RNASEH1: variants seen among roughly 807,000 people sequenced by gnomAD.
The protein encoded by RNASEH1 is ribonuclease H type II.
In RNASEH1, 27 loss-of-function variants were observed where a neutral mutation model predicts 34.6. The observed-to-expected ratio is 0.78, with a 90% confidence interval of 0.58 to 1.08. The LOEUF is 1.08. Ranked by LOEUF, RNASEH1 falls within the 50% of genes least tolerant of loss-of-function variation. RNASEH1 has a pLI of 0.00. For synonymous variants in RNASEH1, 162 were observed against 138.4 expected, an observed-to-expected ratio of 1.17 and a Z score of -1.20; for missense variants, 349 against 373.6, an observed-to-expected ratio of 0.93 and a Z score of 0.54.
At position 3,543,762 on chromosome 2, in the gene RNASEH1, T is replaced by C. The variant is rs544545925; in HGVS notation, c.*2023A>G. On this transcript the variant is annotated 3_prime_UTR_variant, in exon 8 of 8. Transcript: ENST00000315212. ...AATAGCTGGGACAACAGGCAGGCAC[T>C]ACCACACCCACCTGATTTTATTTTA... 3.9e-5 allele frequency among the ~76,000 whole-genome samples: 6 copies of C among 152,172 alleles called. No homozygotes were observed. In the South Asian group the frequency reaches 8.3e-4, roughly 21 times the overall value.
At chr2:3,557,731 T>C (rs1312835938) in intron 1 of RNASEH1, 2 of 597,966 alleles carry the variant, frequency 3.3e-6, no homozygotes, top group Non-Finnish European at 5.8e-6. Context: ...GAATTTGCCT[T>C]TTTTAAAAGG....
rs538535593 is a variant in RNASEH1, at chr2:3,557,773, T to A, written c.128+360A>T. 1.5e-3 allele frequency: 1,287 copies of A among 876,908 alleles called. 1 individual carries two copies. The highest frequency in any genetic ancestry group is 1.5e-3 in the Non-Finnish European group (867 of 593,896). 54.3% of individuals were successfully genotyped at this position (876,908 alleles called of 1,614,324 possible). A position where few individuals can be genotyped will look rare whatever the true frequency, so the allele number is the denominator to read the frequency against. On this transcript the variant is annotated intron_variant, in intron 1 of 7. Coordinates refer to ENST00000315212, the MANE Select transcript of RNASEH1 (RefSeq NM_002936.6). The stretch of plus-strand genomic sequence containing the variant: ...TAGGTACTGAGTTCCAATCCCAATT[T>A]AGCTGGTACGGAAAGTCTTCTGGTA...
At chr2:3,536,469 G>C (rs373296860), downstream of RNASEH1, among the ~76,000 whole-genome samples, 15 of 152,312 alleles carry the variant, frequency 9.8e-5, no homozygotes, top group South Asian at 2.9e-3. Context: ...TCCTGGGCTG[G>C]CTCCGTTTGA....
rs1363402019 is a variant in RNASEH1, at chr2:3,541,509, A to C, written c.*4276T>G. On this transcript the variant is annotated 3_prime_UTR_variant, in exon 8 of 8. Coordinates refer to ENST00000315212, the MANE Select transcript of RNASEH1 (RefSeq NM_002936.6). Reference sequence around the variant, plus strand: ...TCGAAATATCGGTCAACAGGTAAATAAATAAACTGTGGTATATCCATGCAA... The same window carrying C: ...TCGAAATATCGGTCAACAGGTAAATCAATAAACTGTGGTATATCCATGCAA... Among the ~76,000 whole-genome samples, 1 of 152,202 alleles carries C rather than the reference A, an allele frequency of 6.6e-6. No homozygotes were observed. The highest frequency in any genetic ancestry group is 2.4e-5 in the African/African-American group (1 of 41,446).
intron 3 of RNASEH1, 112 bp from the exon 4 acceptor site, chr2:3,550,584 C>T (rs1191442014): frequency 3.9e-6 from 3 of 777,652 alleles, no homozygotes; most frequent in African/African-American, 1.7e-5. Context: ...TATTTTACAA[C>T]GCTGCAGACG....
chr2:3,537,015 C>T (rs1042895700), downstream of RNASEH1: 1 of 152,270 alleles, frequency 6.6e-6, no homozygotes, highest in African/African-American at 2.4e-5. Context: ...ACCCCAGTAC[C>T]TCCTTAGAGG....
chr2:3,552,556 ACACCACCACCACCCCC>A (rs1660067888), intron 2 of RNASEH1, among the ~76,000 whole-genome samples: 3 of 21,892 alleles, frequency 1.4e-4, no homozygotes, highest in Non-Finnish European at 2.4e-4. Context: ...CCTCCCCTCC[ACACCACCACCACCCCC>A]TCCCCTCCAC....
At position 3,550,459 on chromosome 2, in the gene RNASEH1, G is replaced by A. The variant is rs149139207; in HGVS notation, c.423C>T (p.Val141=). ...DTFSYMGDFV[V]VYTDGCCSSN... is the part of the protein sequence containing the mutation. ...TGGAGCAGCAGCCATCAGTGTAGAC[G>A]ACGACGAAGTCTCCTGTGGGAAAAG... Residue 141 remains valine, a synonymous_variant, in exon 4 of 8, where the codon GTC becomes GTT. Transcript: ENST00000315212. 1.1e-5 allele frequency: 18 copies of A among 1,613,884 alleles called. No homozygotes were observed. The African/African-American group carries it at 1.5e-4, about 13-fold the overall frequency.
the RNASEH1 span, chr2:3,532,386 T>C: frequency 4.0e-5 from 28 of 701,510 alleles, no homozygotes; most frequent in South Asian, 3.6e-4. Flanking sequence ...ATCAGAACGT[T>C]CATTATTTCA....
At chr2:3,557,954 TG>T (rs1436752593) in intron 1 of RNASEH1, 178 bp downstream of exon 1, 42 of 1,509,660 alleles carry the variant, frequency 2.8e-5, no homozygotes, top group Non-Finnish European at 3.6e-5. Context: ...TCCCAGGCCA[TG>T]AGCCTCCTGG....
chr2:3,554,724 T>C (rs1354081308), intron 2 of RNASEH1, among the ~76,000 whole-genome samples: 1 of 152,100 alleles, frequency 6.6e-6, no homozygotes, highest in Non-Finnish European at 1.5e-5. Context: ...TACAAATAAA[T>C]TACTGATTGG....
chr2:3,541,026 TCA>T (rs775050706), downstream of RNASEH1, among the ~76,000 whole-genome samples: 3 of 152,100 alleles, frequency 2.0e-5, no homozygotes, highest in Admixed American at 2.0e-4. Context: ...TGGAAAAGTT[TCA>T]CAGTTTCTTA....
At chr2:3,534,610 C>T in the RNASEH1 span, among the ~76,000 whole-genome samples, 5 of 152,360 alleles carry the variant, frequency 3.3e-5, no homozygotes, top group Non-Finnish European at 5.9e-5. Flanking sequence ...GCCCAACCGC[C>T]GGCTGAGCGC....
intron 3 of RNASEH1, among the ~76,000 whole-genome samples, chr2:3,551,070 G>A (rs1348115254): frequency 7.2e-5 from 11 of 152,258 alleles, no homozygotes; most frequent in Admixed American, 4.6e-4. Context: ...CACTTCAGTA[G>A]TGTGGTGGGA....
chr2:3,545,686 C>T lies in RNASEH1; in HGVS notation c.*99G>A. 2.5e-6 allele frequency: 2 copies of T among 799,092 alleles called. No individual in the cohort carries two copies. The highest frequency in any genetic ancestry group is 4.5e-6 in the Non-Finnish European group (2 of 444,874). The allele number at this position is 799,092 out of a possible 1,614,324, so 49.5% of individuals were successfully genotyped here. A position where few individuals can be genotyped will look rare whatever the true frequency, so the allele number is the denominator to read the frequency against. On this transcript the variant is annotated 3_prime_UTR_variant, in exon 8 of 8. Coordinates refer to ENST00000315212, the MANE Select transcript of RNASEH1 (RefSeq NM_002936.6). Reference sequence around the variant, plus strand: ...GTGTGAAAGACGCATCTGCCCATCACTGCAATGGTCCTACCTGCAGGCTAT... The same window carrying T: ...GTGTGAAAGACGCATCTGCCCATCATTGCAATGGTCCTACCTGCAGGCTAT...
At chr2:3,548,965 T>C (rs939663582) in intron 5 of RNASEH1, 93 bp downstream of exon 5, 12 of 1,034,388 alleles carry the variant, frequency 1.2e-5, no homozygotes, top group East Asian at 7.1e-5. Context: ...AAATATCTTA[T>C]ATGTATAGGT....
chr2:3,546,660 T>TGTA (rs1668781966), intron 7 of RNASEH1, among the ~76,000 whole-genome samples: 2 of 152,204 alleles, frequency 1.3e-5, no homozygotes, highest in Non-Finnish European at 2.9e-5. Context: ...ACACTGCCTG[T>TGTA]GTATTCTATG....
intron 7 of RNASEH1, among the ~76,000 whole-genome samples, chr2:3,546,510 T>TA (rs1228545378): frequency 1.3e-5 from 2 of 152,246 alleles, no homozygotes; most frequent in Non-Finnish European, 2.9e-5. Context: ...AATACACTGA[T>TA]AGTTTTATTT....
intron 7 of RNASEH1, among the ~76,000 whole-genome samples, chr2:3,547,537 G>GC (rs1312059888): frequency 6.6e-6 from 1 of 151,356 alleles, no homozygotes; most frequent in African/African-American, 2.4e-5. Context: ...GCTCAGGCTG[G>GC]AGTGCAGTGG....
Sources: allele counts gnomAD v4.1 joint callset (sites outside exome capture counted in the v4.1 genomes callset), GRCh38; gene constraint gnomAD v4.1.1; transcripts MANE v1.5; gene names NCBI Gene and HGNC (gene_info 2026-07-23, HGNC 2026-07-21).